The following DNAH8 variants were observed in gnomAD, a reference collection of about 807,000 sequenced individuals.
DNAH8 encodes the protein dynein axonemal heavy chain 8.
A neutral mutation model predicts 562.1 loss-of-function variants in DNAH8; 382 were observed. The observed-to-expected ratio is 0.68, with a 90% CI of 0.63 to 0.74. The LOEUF (loss-of-function observed/expected upper bound fraction) is 0.74. Ranked by LOEUF, DNAH8 falls within the 30% of genes least tolerant of loss-of-function variation. The pLI, the probability that DNAH8 is intolerant of heterozygous loss-of-function variation, is 0.00. For synonymous variants in DNAH8, 1,881 were observed against 1,919.4 expected, an observed-to-expected ratio of 0.98 and a Z score of 0.52; for missense variants, 5,203 against 5,620.4, an observed-to-expected ratio of 0.93 and a Z score of 2.37.
intron 88 of DNAH8, among the ~76,000 whole-genome samples, chr6:39,006,118 C>T: frequency 6.6e-6 from 1 of 152,344 alleles, no homozygotes; most frequent in Non-Finnish European, 1.5e-5. Context: ...GAAATGGATC[C>T]TCTCCTACAT....
chr6:38,921,550 T>G (rs1781708495), intron 71 of DNAH8, 44 bp downstream of exon 71: 1 of 1,585,514 alleles, frequency 6.3e-7, no homozygotes, highest in African/African-American at 1.4e-5. Flanking sequence ...GTACTGAAAC[T>G]TTACACAAGA....
At chr6:38,932,129 G>T in intron 76 of DNAH8, 136 bp downstream of exon 76, 1 of 517,630 alleles carries the variant, frequency 1.9e-6, no homozygotes, top group Admixed American at 4.4e-5. Flanking sequence ...TATTTCTTTT[G>T]CAGCCTTAAT....
intron 62 of DNAH8, among the ~76,000 whole-genome samples, chr6:38,903,163 G>T (rs13210017): frequency 0.24 from 36,144 of 152,008 alleles, 5,444 homozygotes; most frequent in Non-Finnish European, 0.34. Context: ...TTCTGTATTA[G>T]TCAGTTTTTG....
Position 39,012,760 on chromosome 6 carries a change from G to A in DNAH8, c.13714+123G>A, listed in dbSNP as rs1583567384. 7.3e-6 allele frequency: 5 copies of A among 680,658 alleles called. No homozygotes were observed. The East Asian group carries it at 1.2e-4, about 17-fold the overall frequency. The allele number at this position is 680,658 out of a possible 1,614,324, so 42.2% of individuals were successfully genotyped here. The stretch of plus-strand genomic sequence containing the variant: ...CGTAGCTTGCTGGGTGCTGCACATA[G>A]CCATTCAAAGGCGAAAGAACACAAA... On this transcript the variant is annotated intron_variant, in intron 91 of 92. Transcript: ENST00000327475.
chr6:38,734,331 C>A, intron 4 of DNAH8, 143 bp from the exon 5 acceptor site: 1 of 769,708 alleles, frequency 1.3e-6, no homozygotes, highest in East Asian at 5.6e-5. Flanking sequence ...AGTAGACCCC[C>A]CCCCAAAAAA....
chr6:38,941,617 A>G (rs764894023), intron 79 of DNAH8, among the ~76,000 whole-genome samples: 10 of 152,188 alleles, frequency 6.6e-5, no homozygotes, highest in Non-Finnish European at 1.2e-4. Context: ...GTCAAGATGT[A>G]TGAGGTTTTG....
At chr6:38,834,753 G>A (rs1464409304) in intron 32 of DNAH8, 112 bp downstream of exon 32, 1 of 756,856 alleles carries the variant, frequency 1.3e-6, no homozygotes, top group East Asian at 2.6e-5. Context: ...AAGTACATCA[G>A]TCCTTAATTG....
chr6:38,887,080 A>G (rs576376411), intron 57 of DNAH8, 76 bp downstream of exon 57: 94 of 1,080,198 alleles, frequency 8.7e-5, no homozygotes, highest in Admixed American at 5.7e-4. Flanking sequence ...TTTAAGAGAC[A>G]AAAAGGCTCT....
In DNAH8 at chr6:38,915,318, G is replaced by A. The variant is rs368251682; in HGVS notation, c.10081G>A (p.Ala3361Thr). 3.1e-5 allele frequency: 50 copies of A among 1,610,150 alleles called. No homozygotes were observed. In the African/African-American group the frequency reaches 6.4e-4, roughly 21 times the overall value. ...TGAAATTGATAGTGAAAAAGTGAAA[G>A]CTGAAAGCAAGCTTGAGGCAGCTAA... Reference protein sequence around the residue: ...VDEIDSEKVKAESKLEAAKPA... With the variant: ...VDEIDSEKVKTESKLEAAKPA... The change falls in exon 68 of 93, where the codon GCT becomes ACT. Residue 3361 changes from alanine to threonine, a missense_variant. Physicochemically the swap from Ala to Thr is moderately conservative, Grantham distance 58 (BLOSUM62 0). Around this residue, in one of 6 missense-constraint regions of DNAH8, gnomAD observed 87 missense variants for 144.9 expected, o/e 0.60. Coordinates refer to ENST00000327475, the MANE Select transcript of DNAH8 (RefSeq NM_001206927.2).
chr6:38,903,931 G>T (rs1780258343), intron 62 of DNAH8, among the ~76,000 whole-genome samples: 1 of 151,852 alleles, frequency 6.6e-6, no homozygotes, highest in Admixed American at 6.6e-5. Flanking sequence ...ATTTTCTAAG[G>T]ATGCATTTAT....
At chr6:38,851,715 G>A (rs373267643) in intron 39 of DNAH8, 41 bp downstream of exon 39, 9 of 1,232,752 alleles carry the variant, frequency 7.3e-6, no homozygotes, top group Middle Eastern at 3.8e-4. Context: ...CTTTTCCCAC[G>A]ACATACACAA....
intron 87 of DNAH8, among the ~76,000 whole-genome samples, chr6:38,989,311 A>C (rs1764624389): frequency 6.6e-6 from 1 of 150,868 alleles, no homozygotes; most frequent in African/African-American, 2.5e-5. Flanking sequence ...AATCTGGCTC[A>C]TAGGCATTTA....
intron 52 of DNAH8, among the ~76,000 whole-genome samples, chr6:38,874,441 C>T (rs1777833559): frequency 6.6e-6 from 1 of 151,320 alleles, no homozygotes; most frequent in Non-Finnish European, 1.5e-5. Flanking sequence ...TCAATCATAA[C>T]TCACTGCAAC....
rs750564798 is a variant in DNAH8, at chr6:38,750,464, T to C, written c.1294-12T>C. On this transcript the variant is annotated splice_polypyrimidine_tract_variant and intron_variant, in intron 8 of 92. Transcript: ENST00000327475. ...GGATGTTTCATAGAATTCTTATACC[T>C]TTTTTTCTTAGAATTGGCGTGATTT... 3 of 1,565,352 alleles carry C rather than the reference T, an allele frequency of 1.9e-6. No homozygotes were observed. In the Admixed American group the frequency reaches 5.2e-5, roughly 27 times the overall value.
intron 80 of DNAH8, among the ~76,000 whole-genome samples, chr6:38,948,943 G>C (rs1761654114): frequency 6.6e-6 from 1 of 152,134 alleles, no homozygotes; most frequent in African/African-American, 2.4e-5. Context: ...TCAACATTTA[G>C]AGGTTGGGTT....
intron 65 of DNAH8, 69 bp from the exon 66 acceptor site, chr6:38,911,399 T>G: frequency 8.8e-7 from 1 of 1,131,608 alleles, no homozygotes; most frequent in Non-Finnish European, 1.3e-6. Flanking sequence ...GATTTCACCT[T>G]GGGAAAGGTG....
At chr6:38,875,204 T>C (rs1777902474) in intron 52 of DNAH8, among the ~76,000 whole-genome samples, 1 of 152,244 alleles carries the variant, frequency 6.6e-6, no homozygotes, top group Non-Finnish European at 1.5e-5. Context: ...TGCAAAATTT[T>C]ACAAAGAAAT....
chr6:38,828,477 A>G (rs187462777), intron 30 of DNAH8, among the ~76,000 whole-genome samples, 189 bp downstream of exon 30: 42 of 152,272 alleles, frequency 2.8e-4, no homozygotes, highest in African/African-American at 8.7e-4. Flanking sequence ...ATCCTTTTCT[A>G]TATTTAGATA....
chr6:39,004,581 TATCTC>T (rs968597115), intron 88 of DNAH8, among the ~76,000 whole-genome samples: 5 of 152,212 alleles, frequency 3.3e-5, no homozygotes, highest in Non-Finnish European at 7.3e-5. Flanking sequence ...TATCTTAAAT[TATCTC>T]ATTTCAAGTG....
Sources: allele counts gnomAD v4.1 joint callset (sites outside exome capture counted in the v4.1 genomes callset), GRCh38; gene constraint gnomAD v4.1.1; regional missense constraint gnomAD v4.1.1; transcripts MANE v1.5; gene names NCBI Gene and HGNC (gene_info 2026-07-23, HGNC 2026-07-21).